DPYD: variants seen among roughly 807,000 people sequenced by gnomAD.
The protein encoded by DPYD is dihydropyrimidine dehydrogenase, also known as dihydropyrimidine dehydrogenase [NADP(+)].
A neutral mutation model predicts 116.2 loss-of-function variants in DPYD; 109 were observed. The ratio of observed to expected loss-of-function variants is 0.94; its 90% CI spans 0.80 to 1.10. The LOEUF (loss-of-function observed/expected upper bound fraction) is 1.10. Among genes scored for constraint, DPYD ranks in the 50% least tolerant of loss-of-function variants. The pLI is 0.00. For synonymous variants in DPYD, 440 were observed against 432.0 expected (o/e 1.02, Z -0.23); for missense variants, 1,302 against 1,254.5 (o/e 1.04, Z -0.57).
chr1:97,699,670 A>C (rs951053470), intron 5 of DPYD, 123 bp from the exon 6 acceptor site: 88 of 937,742 alleles, frequency 9.4e-5, no homozygotes, highest in Middle Eastern at 4.6e-4. Flanking sequence ...TTCAGTATTA[A>C]TATGGTATAC....
intron 16 of DPYD, among the ~76,000 whole-genome samples, chr1:97,358,891 G>T (rs1339823267): frequency 6.6e-6 from 1 of 152,130 alleles, no homozygotes; most frequent in East Asian, 1.9e-4. Flanking sequence ...CTAAAAATCA[G>T]AGTGCCTCTT....
intron 3 of DPYD, among the ~76,000 whole-genome samples, chr1:97,792,238 A>G (rs1196338592): frequency 2.6e-5 from 4 of 152,082 alleles, no homozygotes; most frequent in East Asian, 3.9e-4. Context: ...CCATCTCCCA[A>G]AGAGAAAAAT....
At position 97,450,099 on chromosome 1, in the gene DPYD, C is replaced by T. The variant is rs201433243; in HGVS notation, c.1865G>A (p.Cys622Tyr). 340 of 1,613,820 alleles carry T rather than the reference C, an allele frequency of 2.1e-4. No homozygotes were observed. The highest frequency in any genetic ancestry group is 2.8e-4 in the Non-Finnish European group (325 of 1,179,924). ...AGCCTTTAGTTCAGTGACACTTTGA[C>T]ACCAATATGCAGCCGTTTTCTCACT... ...LISEKTAAYWCQSVTELKADF... is the reference protein window; with the variant it reads ...LISEKTAAYWYQSVTELKADF... The change falls in exon 14 of 23, where the codon TGT (cysteine) becomes TAT (tyrosine). Residue 622 changes from cysteine (C) to tyrosine (Y), a missense_variant. Transcript: ENST00000370192.
chr1:97,215,887 C>G (rs902764964), intron 19 of DPYD, among the ~76,000 whole-genome samples: 1 of 152,150 alleles, frequency 6.6e-6, no homozygotes, highest in Non-Finnish European at 1.5e-5. Context: ...TGACTACAGA[C>G]TCTCTTTCAA....
chr1:97,674,695 G>A (rs543846646), intron 8 of DPYD, among the ~76,000 whole-genome samples: 12 of 150,148 alleles, frequency 8.0e-5, no homozygotes, highest in Middle Eastern at 3.6e-3. Flanking sequence ...TGTCCAGCCC[G>A]TCTACCACAC....
At chr1:97,117,374 T>C (rs1455953528) in intron 20 of DPYD, among the ~76,000 whole-genome samples, 1 of 152,188 alleles carries the variant, frequency 6.6e-6, no homozygotes, top group Non-Finnish European at 1.5e-5. Flanking sequence ...GAAGATCGTT[T>C]CAGAACCATA....
chr1:97,572,137 T>C (rs1652945154), intron 11 of DPYD, among the ~76,000 whole-genome samples: 1 of 151,952 alleles, frequency 6.6e-6, no homozygotes, highest in Non-Finnish European at 1.5e-5. Context: ...TTCTCTAAAT[T>C]TATAAGAGGT....
intron 16 of DPYD, among the ~76,000 whole-genome samples, chr1:97,318,150 G>T (rs1271359089): frequency 6.8e-6 from 1 of 147,516 alleles, no homozygotes; most frequent in African/African-American, 2.5e-5. Flanking sequence ...AGACCATTGA[G>T]ACTAGGAAGA....
intron 3 of DPYD, among the ~76,000 whole-genome samples, chr1:97,748,068 A>G (rs1181938976): frequency 6.6e-6 from 1 of 152,164 alleles, no homozygotes; most frequent in Non-Finnish European, 1.5e-5. Flanking sequence ...ATAATGTTTT[A>G]TAATTATTTA....
intron 21 of DPYD, among the ~76,000 whole-genome samples, chr1:97,089,404 C>T (rs927831595): frequency 6.6e-6 from 1 of 152,116 alleles, no homozygotes; most frequent in Non-Finnish European, 1.5e-5. Context: ...GTTCTCTCAG[C>T]GAGGAAACGA....
chr1:97,243,372 C>T (rs1166789997), intron 18 of DPYD, among the ~76,000 whole-genome samples: 1 of 151,872 alleles, frequency 6.6e-6, no homozygotes, highest in Non-Finnish European at 1.5e-5. Context: ...TTTTTGCATA[C>T]ATTGTGCTGG....
At chr1:97,744,082 A>C (rs186607733) in intron 3 of DPYD, among the ~76,000 whole-genome samples, 1 of 152,130 alleles carries the variant, frequency 6.6e-6, no homozygotes, top group African/African-American at 2.4e-5. Flanking sequence ...TAGAATACTT[A>C]ATCAATGTTA....
intron 14 of DPYD, among the ~76,000 whole-genome samples, chr1:97,422,772 G>C (rs1674658719): frequency 6.6e-6 from 1 of 152,088 alleles, no homozygotes. Flanking sequence ...CAGTGGAGAA[G>C]AGAAACATTC....
intron 1 of DPYD, among the ~76,000 whole-genome samples, chr1:97,893,322 C>T (rs746988497): frequency 6.6e-6 from 1 of 150,528 alleles, no homozygotes; most frequent in African/African-American, 2.4e-5. Flanking sequence ...GCCCTAAGCC[C>T]TGCAATTTCA....
At chr1:97,760,303 T>A (rs1469743188) in intron 3 of DPYD, among the ~76,000 whole-genome samples, 1 of 152,068 alleles carries the variant, frequency 6.6e-6, no homozygotes, top group Non-Finnish European at 1.5e-5. Context: ...TGAATCTCTC[T>A]CTCACACATA....
At chr1:97,673,412 A>G (rs1264301110) in intron 8 of DPYD, among the ~76,000 whole-genome samples, 2 of 152,132 alleles carry the variant, frequency 1.3e-5, no homozygotes, top group Non-Finnish European at 2.9e-5. Context: ...CAATGTTATA[A>G]TACTCCAAAA....
At chr1:97,124,601 T>C (rs1652693536) in intron 20 of DPYD, among the ~76,000 whole-genome samples, 1 of 152,120 alleles carries the variant, frequency 6.6e-6, no homozygotes, top group Non-Finnish European at 1.5e-5. Context: ...ATAGACTCCA[T>C]TGTCCACTTG....
chr1:97,740,278 A>G (rs1664187355), intron 4 of DPYD, 114 bp downstream of exon 4: 4 of 814,998 alleles, frequency 4.9e-6, no homozygotes, highest in Non-Finnish European at 8.1e-6. Context: ...TATAGAAGTC[A>G]TATTTAATGG....
At chr1:97,131,004 A>C (rs575261222) in intron 20 of DPYD, among the ~76,000 whole-genome samples, 3 of 151,834 alleles carry the variant, frequency 2.0e-5, no homozygotes, top group South Asian at 2.1e-4. Context: ...CATTATGACA[A>C]GTTTTAAGTA....
Sources: gnomAD v4.1 joint callset for allele counts (sites outside exome capture counted in the v4.1 genomes callset) on GRCh38, gnomAD v4.1.1 for gene constraint, MANE v1.5 for transcripts, NCBI Gene and HGNC (gene_info 2026-07-23, HGNC 2026-07-21) for gene names.